Variants in HAS3 observed in about 807,000 individuals in gnomAD.
HAS3 encodes the protein HA synthase 3.
A neutral mutation model predicts 50.3 loss-of-function variants in HAS3; 27 were observed. That is an observed-to-expected ratio of 0.54 (90% CI 0.40 to 0.74). The LOEUF (loss-of-function observed/expected upper bound fraction) is 0.74. HAS3 is among the 30% of genes least tolerant of loss of function. The pLI, the probability that HAS3 is intolerant of heterozygous loss-of-function variation, is 0.00. For synonymous variants in HAS3, 339 were observed against 310.9 expected, an observed-to-expected ratio of 1.09 and a Z score of -0.95; for missense variants, 517 against 742.8, an observed-to-expected ratio of 0.70 and a Z score of 3.53.
At chr16:69,113,731 T>C (rs1961086764) in intron 3 of HAS3, among the ~76,000 whole-genome samples, 189 bp downstream of exon 3, 1 of 152,128 alleles carries the variant, frequency 6.6e-6, no homozygotes, top group Non-Finnish European at 1.5e-5. Context: ...TTCTTCCACA[T>C]GAGGGGAAGT....
chr16:69,087,766 G>A, the HAS3 span, among the ~76,000 whole-genome samples: 3 of 145,188 alleles, frequency 2.1e-5, no homozygotes, highest in Admixed American at 7.2e-5. Flanking sequence ...GCAATGGTGC[G>A]ATCTTGGCTC....
At chr16:69,085,480 AT>A in the HAS3 span, among the ~76,000 whole-genome samples, 1 of 151,864 alleles carries the variant, frequency 6.6e-6, no homozygotes, top group African/African-American at 2.4e-5. Flanking sequence ...TGCCCAGGCT[AT>A]TCTCAACTTC....
chr16:69,116,925 T>C lies in HAS3; in HGVS notation c.*1659T>C, dbSNP rs2152261891. ...GGCAAGCCTCTAGTGTACCAAGTGC[T>C]TCCTACAAAGACGCAAGGTGTGCTC... On this transcript the variant is annotated 3_prime_UTR_variant, in exon 4 of 4. Transcript: ENST00000569188. 3.0e-6 allele frequency: 3 copies of C among 985,444 alleles called. No homozygotes were observed. The highest frequency in any genetic ancestry group is 9.4e-5 in the South Asian group (2 of 21,290). The allele number at this position is 985,444 out of a possible 1,614,324, so 61.0% of individuals were successfully genotyped here.
chr16:69,091,229 A>G, the HAS3 span, among the ~76,000 whole-genome samples: 1 of 152,156 alleles, frequency 6.6e-6, no homozygotes, highest in Non-Finnish European at 1.5e-5. Context: ...TTTCTGAGTC[A>G]TATACCTTGG....
At position 69,115,607 on chromosome 16, in the gene HAS3, T is replaced by G. The variant is rs1014016764; in HGVS notation, c.*341T>G. On this transcript the variant is annotated 3_prime_UTR_variant, in exon 4 of 4. Coordinates refer to ENST00000569188, the MANE Select transcript of HAS3 (RefSeq NM_001199280.2). Reference sequence around the variant, plus strand: ...TTAAGTCCCATTCAGTGGCAACTTGTGATAGGTACCTGAGTGACGGCAACC... The same window carrying G: ...TTAAGTCCCATTCAGTGGCAACTTGGGATAGGTACCTGAGTGACGGCAACC... 8 of 1,037,574 alleles carry G rather than the reference T, an allele frequency of 7.7e-6. No homozygotes were observed. The South Asian group carries it at 2.2e-4, about 29-fold the overall frequency. The allele number at this position is 1,037,574 out of a possible 1,614,324, so 64.3% of individuals were successfully genotyped here. A position where few individuals can be genotyped will look rare whatever the true frequency, so the allele number is the denominator to read the frequency against.
chr16:69,083,814 G>A, the HAS3 span: 1 of 763,212 alleles, frequency 1.3e-6, no homozygotes, highest in Non-Finnish European at 2.1e-6. Context: ...GGGTCTTCAG[G>A]GTCCCTTCCG....
At chr16:69,100,548 A>C in the HAS3 span, among the ~76,000 whole-genome samples, 1 of 152,120 alleles carries the variant, frequency 6.6e-6, no homozygotes, top group South Asian at 2.1e-4. Flanking sequence ...TGAAGCGTTA[A>C]GGGCAGAGGG....
At chr16:69,104,273 TC>T (rs1473546674), upstream of HAS3, among the ~76,000 whole-genome samples, 65 of 148,664 alleles carry the variant, frequency 4.4e-4, no homozygotes, top group Non-Finnish European at 8.2e-4. Context: ...TTTTTTTTTT[TC>T]TTTTCTTTTC....
At chr16:69,111,823 G>A (rs1961012293) in intron 2 of HAS3, among the ~76,000 whole-genome samples, 1 of 152,134 alleles carries the variant, frequency 6.6e-6, no homozygotes, top group African/African-American at 2.4e-5. Flanking sequence ...TCAAGCCACA[G>A]TGACTTTGTC....
chr16:69,093,237 CAG>C, the HAS3 span, among the ~76,000 whole-genome samples: 1 of 152,142 alleles, frequency 6.6e-6, no homozygotes, highest in Admixed American at 6.6e-5. Context: ...TTTTTTGAGA[CAG>C]GGTCTCTGTC....
the HAS3 span, among the ~76,000 whole-genome samples, chr16:69,091,458 A>G: frequency 6.6e-6 from 1 of 152,220 alleles, no homozygotes. Context: ...TCAAAAGCGT[A>G]TAACCATTTC....
chr16:69,090,881 A>G, the HAS3 span, among the ~76,000 whole-genome samples: 7 of 152,100 alleles, frequency 4.6e-5, no homozygotes, highest in African/African-American at 1.7e-4. Flanking sequence ...CACGATACAT[A>G]TTAATTCCCT....
At chr16:69,083,794 C>CA in the HAS3 span, 1 of 1,008,448 alleles carries the variant, frequency 9.9e-7, no homozygotes, top group South Asian at 1.7e-5. Context: ...TTTTATGGTG[C>CA]AGGTCACTTG....
the HAS3 span, among the ~76,000 whole-genome samples, chr16:69,089,019 A>AC: frequency 4.6e-5 from 7 of 151,140 alleles, no homozygotes; most frequent in Non-Finnish European, 1.0e-4. Flanking sequence ...TTTTCATGCC[A>AC]CCCCCCAACT....
chr16:69,105,322 C>G (rs901687136), upstream of HAS3, among the ~76,000 whole-genome samples: 1 of 152,114 alleles, frequency 6.6e-6, no homozygotes, highest in African/African-American at 2.4e-5. Context: ...GCTAACAACT[C>G]TCCCCCCTCC....
At chr16:69,099,983 A>C in the HAS3 span, among the ~76,000 whole-genome samples, 1 of 152,280 alleles carries the variant, frequency 6.6e-6, no homozygotes, top group Admixed American at 6.5e-5. Flanking sequence ...AGCCAGCATA[A>C]AAGAACCTGG....
At chr16:69,094,992 T>G in the HAS3 span, among the ~76,000 whole-genome samples, 1 of 150,546 alleles carries the variant, frequency 6.6e-6, no homozygotes, top group Non-Finnish European at 1.5e-5. Flanking sequence ...TTTTTTTTTT[T>G]TTTTTTTTGA....
At chr16:69,118,397 G>C (rs1419543292), downstream of HAS3, 2 of 1,613,280 alleles carry the variant, frequency 1.2e-6, no homozygotes, top group Admixed American at 1.7e-5. Context: ...CCAGGTCCAA[G>C]CTGCCCAGGT....
Position 69,116,327 on chromosome 16 carries a change from C to A in HAS3, c.*1061C>A, listed in dbSNP as rs577856933. The A allele has an allele frequency of 3.0e-6, 3 of 985,818 alleles. No homozygotes were observed. The highest frequency in any genetic ancestry group is 3.6e-6 in the Non-Finnish European group (3 of 829,896). The allele number at this position is 985,818 out of a possible 1,614,324, so 61.1% of individuals were successfully genotyped here. On this transcript the variant is annotated 3_prime_UTR_variant, in exon 4 of 4. Transcript: ENST00000569188. ...TATAGAAGCTTCAGCAGGAGGCAAGCGTGTTCTCAGCACATATGGGAACTA... is the reference window on the plus strand; with the variant it reads ...TATAGAAGCTTCAGCAGGAGGCAAGAGTGTTCTCAGCACATATGGGAACTA...
Sources: allele counts gnomAD v4.1 joint callset (sites outside exome capture counted in the v4.1 genomes callset), GRCh38; gene constraint gnomAD v4.1.1; transcripts MANE v1.5; gene names NCBI Gene and HGNC (gene_info 2026-07-23, HGNC 2026-07-21).